Variants in ACAD10 observed in about 807,000 individuals in gnomAD.
The protein encoded by ACAD10 is ACAD-10.
In ACAD10, 112 loss-of-function variants were observed where a neutral mutation model predicts 116.8. The observed-to-expected ratio is 0.96, with a 90% CI of 0.82 to 1.12. The LOEUF (loss-of-function observed/expected upper bound fraction) is 1.12, where lower values mean the gene tolerates loss of function less well. ACAD10 is among the 50% of genes most tolerant of loss of function. The probability of loss-of-function intolerance (pLI) is 0.00; values close to 1 mark genes in which losing one functional copy is unlikely to be tolerated. For synonymous variants in ACAD10, 486 were observed against 510.6 expected, an observed-to-expected ratio of 0.95 and a Z score of 0.65; for missense variants, 1,259 against 1,350.2, an observed-to-expected ratio of 0.93 and a Z score of 1.06.
At chr12:111,716,754 G>A (rs2135961726) in intron 7 of ACAD10, among the ~76,000 whole-genome samples, 1 of 152,304 alleles carries the variant, frequency 6.6e-6, no homozygotes, top group South Asian at 2.1e-4. Context: ...TACTCAGGAG[G>A]CTGAGGTGGG....
At chr12:111,717,706 T>C (rs1888884181) in intron 7 of ACAD10, among the ~76,000 whole-genome samples, 1 of 151,942 alleles carries the variant, frequency 6.6e-6, no homozygotes, top group Admixed American at 6.6e-5. Context: ...TACAGGCACA[T>C]GCCATCATGC....
At chr12:111,703,612 C>T (rs928483227) in intron 3 of ACAD10, among the ~76,000 whole-genome samples, 4 of 151,938 alleles carry the variant, frequency 2.6e-5, no homozygotes, top group Non-Finnish European at 5.9e-5. Flanking sequence ...CCAAGGAGGG[C>T]GGATCACCTG....
intron 5 of ACAD10, chr12:111,710,475 T>C: frequency 3.8e-6 from 1 of 264,378 alleles, no homozygotes; most frequent in South Asian, 3.1e-5. Flanking sequence ...TCTTTCTTCT[T>C]GGCACAAGAG....
At chr12:111,693,441 G>C (rs1428777792) in intron 2 of ACAD10, among the ~76,000 whole-genome samples, 1 of 152,186 alleles carries the variant, frequency 6.6e-6, no homozygotes, top group East Asian at 1.9e-4. Context: ...AGGAGGCTGA[G>C]GTCGGAGGAT....
At chr12:111,716,656 A>G (rs1566150856) in intron 7 of ACAD10, among the ~76,000 whole-genome samples, 1 of 152,106 alleles carries the variant, frequency 6.6e-6, no homozygotes, top group Non-Finnish European at 1.5e-5. Context: ...GGAATTGAAG[A>G]CCAGCCTGGA....
intron 7 of ACAD10, among the ~76,000 whole-genome samples, chr12:111,717,592 G>T (rs1888881270): frequency 1.3e-5 from 2 of 149,780 alleles, no homozygotes; most frequent in South Asian, 4.2e-4. Context: ...TTTTTAGGCA[G>T]AGTGTCACTA....
In ACAD10 at chr12:111,753,830, A is replaced by C. The variant is rs777803076; in HGVS notation, c.2876A>C (p.Asp959Ala). The stretch of plus-strand genomic sequence containing the variant: ...GTGGAGCAGGGCACAGTGCTGGCGG[A>C]CATCGCGCAGTCGCGCGTGGAGATT... Reference protein sequence around the residue: ...PLVEQGTVLADIAQSRVEIEQ... With the variant: ...PLVEQGTVLAAIAQSRVEIEQ... Residue 959 changes from aspartate to alanine, a missense_variant, in exon 19 of 21, where the codon GAC becomes GCC. Physicochemically the swap from Asp to Ala is moderately radical, Grantham distance 126 (BLOSUM62 -2). Transcript: ENST00000313698. The C allele has an allele frequency of 6.2e-7, 1 of 1,614,002 alleles. No homozygotes were observed. The highest frequency in any genetic ancestry group is 8.5e-7 in the Non-Finnish European group (1 of 1,180,022).
intron 8 of ACAD10, among the ~76,000 whole-genome samples, chr12:111,723,125 C>T (rs1214377534): frequency 3.4e-5 from 5 of 145,122 alleles, no homozygotes; most frequent in South Asian, 2.2e-4. Flanking sequence ...CCAGACGGGG[C>T]GGCTAGCCGG....
chr12:111,692,377 C>A (rs1888074970), intron 1 of ACAD10, among the ~76,000 whole-genome samples: 2 of 152,154 alleles, frequency 1.3e-5, no homozygotes. Flanking sequence ...AAGATGGTGG[C>A]AGTGAGAATG....
intron 5 of ACAD10, chr12:111,709,968 A>G (rs1438390775): frequency 5.1e-6 from 2 of 391,146 alleles, no homozygotes; most frequent in Non-Finnish European, 9.3e-6. Flanking sequence ...CACTGTCCTC[A>G]TGATCCAGTG....
chr12:111,731,873 A>G (rs1406482175), intron 10 of ACAD10, among the ~76,000 whole-genome samples: 3 of 152,206 alleles, frequency 2.0e-5, no homozygotes, highest in Non-Finnish European at 4.4e-5. Flanking sequence ...ACTTGAGGTC[A>G]GGAGTTCGAG....
Position 111,721,739 on chromosome 12 carries a change from G to A in ACAD10, c.1061G>A (p.Ser354Asn). The stretch of plus-strand genomic sequence containing the variant: ...GTTCTTGATCTCTGTGAAGATTCAA[G>A]GTAAAGTTCAGATGTTTTTGCTATT... ...PNVLDLCEDS[S>N]VIGTPFYVME... The change falls in exon 8 of 21, where the codon AGT becomes AAT. Residue 354 changes from serine to asparagine, a missense_variant and splice_region_variant. Physicochemically the swap from Ser to Asn is conservative, Grantham distance 46. Coordinates refer to ENST00000313698, the MANE Select transcript of ACAD10 (RefSeq NM_025247.6). 1 of 1,592,658 alleles carries A rather than the reference G, an allele frequency of 6.3e-7. No homozygotes were observed. Among genetic ancestry groups the A allele is most frequent in the Non-Finnish European group, 8.6e-7 (1 of 1,164,390 alleles).
In ACAD10 at chr12:111,692,806, C is replaced by A. The variant is rs148699934; in HGVS notation, c.97C>A (p.Arg33=). The change falls in exon 2 of 21, where the codon CGA becomes AGA. Residue 33 remains arginine (R), a synonymous_variant. Transcript: ENST00000313698. Reference sequence around the variant, plus strand: ...CCAGCGCAGGCACCAGGGGTCCCACCGATGGACACACCTTGGAGGCAGCAC... The same window carrying A: ...CCAGCGCAGGCACCAGGGGTCCCACAGATGGACACACCTTGGAGGCAGCAC... ...HTQRRHQGSH[R]WTHLGGSTYR... 7 of 1,614,072 alleles carry A rather than the reference C, an allele frequency of 4.3e-6. No homozygotes were observed. In the Admixed American group the frequency reaches 1.2e-4, roughly 27 times the overall value.
chr12:111,751,755 A>C (rs1348575613), intron 18 of ACAD10, among the ~76,000 whole-genome samples: 2 of 151,826 alleles, frequency 1.3e-5, no homozygotes, highest in African/African-American at 4.8e-5. Context: ...AAATTAAAAA[A>C]TTAAAAATAG....
At chr12:111,701,222 T>C (rs1488803575) in intron 2 of ACAD10, among the ~76,000 whole-genome samples, 2 of 152,206 alleles carry the variant, frequency 1.3e-5, no homozygotes, top group Non-Finnish European at 2.9e-5. Flanking sequence ...ATGTTGTATG[T>C]ATATATTTGC....
rs762847508 is a variant in ACAD10 at position 111,744,686 on chromosome 12, C to A, written c.1758C>A (p.Thr586=). The part of the protein sequence containing the change: ...STYAEQTGKL[T]EFVSNLAWDF... The stretch of plus-strand genomic sequence containing the variant: ...ATGCGGAACAAACTGGAAAGCTGAC[C>A]GAATTTGTGTCTAACCTGGCGTGGG... The change falls in exon 13 of 21, where the codon ACC becomes ACA. Residue 586 remains threonine (T), a synonymous_variant. Coordinates refer to ENST00000313698, the MANE Select transcript of ACAD10 (RefSeq NM_025247.6). The A allele has an allele frequency of 3.7e-6, 6 of 1,614,008 alleles. No individual in the cohort carries two copies. Among genetic ancestry groups the A allele is most frequent in the Non-Finnish European group, 5.1e-6 (6 of 1,180,008 alleles).
chr12:111,748,459 A>G lies in ACAD10; in HGVS notation c.2628A>G (p.Gly876=). The change falls in exon 17 of 21, where the codon GGA becomes GGG. Residue 876 remains glycine, a synonymous_variant. Transcript: ENST00000313698. The part of the protein sequence containing the change: ...IKIIRPLTVY[G]LEDAPGGHGE... ...TCATCCGGCCTCTGACGGTGTATGGACTGGAAGATGCACCAGGTGAGACCT... is the reference window on the plus strand; with the variant it reads ...TCATCCGGCCTCTGACGGTGTATGGGCTGGAAGATGCACCAGGTGAGACCT... 6.2e-7 allele frequency: 1 copy of G among 1,613,470 alleles called. No individual in the cohort carries two copies. The highest frequency in any genetic ancestry group is 8.5e-7 in the Non-Finnish European group (1 of 1,180,022).
At chr12:111,716,322 T>G (rs958774495) in intron 7 of ACAD10, among the ~76,000 whole-genome samples, 3 of 151,858 alleles carry the variant, frequency 2.0e-5, no homozygotes, top group South Asian at 4.2e-4. Context: ...AGTGAGTTAC[T>G]GTGGCATCAT....
At chr12:111,743,306 CA>C (rs1054953593) in intron 12 of ACAD10, among the ~76,000 whole-genome samples, 9 of 151,008 alleles carry the variant, frequency 6.0e-5, no homozygotes, top group South Asian at 4.2e-4. Flanking sequence ...TGCTGGGGAT[CA>C]GGGGGGCAGG....
Sources: allele counts gnomAD v4.1 joint callset (sites outside exome capture counted in the v4.1 genomes callset), GRCh38; gene constraint gnomAD v4.1.1; transcripts MANE v1.5; gene names NCBI Gene and HGNC (gene_info 2026-07-23, HGNC 2026-07-21).